ALCAM: variants seen among roughly 807,000 people sequenced by gnomAD.
ALCAM encodes the protein CD166 antigen.
A neutral mutation model predicts 70.9 loss-of-function variants in ALCAM; 30 were observed. That is an observed-to-expected ratio of 0.42 (90% CI 0.32 to 0.57). ALCAM has a LOEUF of 0.57. ALCAM is among the 20% of genes least tolerant of loss of function. The probability of loss-of-function intolerance (pLI) is 0.11; values close to 1 mark genes in which losing one functional copy is unlikely to be tolerated. For synonymous variants in ALCAM, 249 were observed against 242.5 expected, an observed-to-expected ratio of 1.03 and a Z score of -0.25; for missense variants, 591 against 695.1, an observed-to-expected ratio of 0.85 and a Z score of 1.68.
At chr3:105,531,043 T>A (rs1181680404) in intron 3 of ALCAM, among the ~76,000 whole-genome samples, 1 of 152,088 alleles carries the variant, frequency 6.6e-6, no homozygotes, top group African/African-American at 2.4e-5. Context: ...TAAATACATT[T>A]GCTTATAAGA....
At chr3:105,524,259 G>A (rs185727605) in intron 2 of ALCAM, 30 bp from the exon 3 acceptor site, 1 of 1,549,458 alleles carries the variant, frequency 6.5e-7, no homozygotes, top group African/African-American at 1.4e-5. Flanking sequence ...ATATGCTTGT[G>A]TTTAAATGTA....
chr3:105,539,526 C>A (rs1168136083), intron 6 of ALCAM, among the ~76,000 whole-genome samples: 3 of 151,996 alleles, frequency 2.0e-5, no homozygotes, highest in Non-Finnish European at 4.4e-5. Context: ...CATGTCTCCT[C>A]TTTTTATTTC....
chr3:105,439,175 T>C (rs1559791848), intron 1 of ALCAM, among the ~76,000 whole-genome samples: 1 of 152,176 alleles, frequency 6.6e-6, no homozygotes, highest in Admixed American at 6.5e-5. Flanking sequence ...GGATTTGTAT[T>C]TCTCACTAGT....
intron 1 of ALCAM, among the ~76,000 whole-genome samples, chr3:105,499,948 G>T (rs1318478034): frequency 6.6e-6 from 1 of 152,112 alleles, no homozygotes; most frequent in Non-Finnish European, 1.5e-5. Flanking sequence ...ATAAATACGG[G>T]AGCCTTTAAT....
Position 105,497,827 on chromosome 3 carries a change from C to T in ALCAM, c.74-22240C>T, listed in dbSNP as rs551176432. ...CGGGCGGATCACGAGGTCGGGAGAT[C>T]GAGACCATCCTGGCTAACACGGTGA... On this transcript the variant is annotated intron_variant, in intron 1 of 15. Transcript: ENST00000306107. 5.9e-5 allele frequency among the ~76,000 whole-genome samples: 9 copies of T among 151,996 alleles called. No individual in the cohort carries two copies. The South Asian group carries it at 1.5e-3, about 25-fold the overall frequency.
intron 1 of ALCAM, among the ~76,000 whole-genome samples, chr3:105,519,866 T>C (rs1939484067): frequency 6.6e-6 from 1 of 152,184 alleles, no homozygotes; most frequent in South Asian, 2.1e-4. Context: ...AAACATTCAG[T>C]AGCTAAATAG....
At chr3:105,526,350 C>T (rs1196161538) in intron 3 of ALCAM, among the ~76,000 whole-genome samples, 1 of 150,580 alleles carries the variant, frequency 6.6e-6, no homozygotes, top group Non-Finnish European at 1.5e-5. Flanking sequence ...TAAATCAGGC[C>T]AAATCTGATT....
chr3:105,520,055 TTTC>T lies in ALCAM; in HGVS notation c.74-11_74-9del. 2 of 1,539,914 alleles carry T rather than the reference TTTC, an allele frequency of 1.3e-6. No homozygotes were observed. Among genetic ancestry groups the T allele is most frequent in the East Asian group, 2.3e-5 (1 of 43,980 alleles). On this transcript the variant is annotated splice_polypyrimidine_tract_variant and intron_variant, in intron 1 of 15. Coordinates refer to ENST00000306107, the MANE Select transcript of ALCAM (RefSeq NM_001627.4). ...TCTTTCTCTCTTCTTCCTTTTTTTTTTTCCCCCAAAGGCCTTGGATGGTATACT... is the reference window on the plus strand; with the variant it reads ...TCTTTCTCTCTTCTTCCTTTTTTTTTCCCCAAAGGCCTTGGATGGTATACT...
chr3:105,502,345 A>T (rs565490580), intron 1 of ALCAM, among the ~76,000 whole-genome samples: 4 of 152,214 alleles, frequency 2.6e-5, no homozygotes, highest in Non-Finnish European at 5.9e-5. Flanking sequence ...AAAAATTCTT[A>T]TCATCTACTA....
chr3:105,472,086 T>C (rs1159935594), intron 1 of ALCAM, among the ~76,000 whole-genome samples: 1 of 151,524 alleles, frequency 6.6e-6, no homozygotes, highest in Non-Finnish European at 1.5e-5. Context: ...CTGAACGCAG[T>C]GTCTTCCAGG....
chr3:105,442,590 G>GC (rs1937198829), intron 1 of ALCAM, among the ~76,000 whole-genome samples: 1 of 151,866 alleles, frequency 6.6e-6, no homozygotes, highest in Admixed American at 6.6e-5. Flanking sequence ...TACCATCCTG[G>GC]CTAACATGGT....
chr3:105,374,238 A>G (rs1935317480), intron 1 of ALCAM, among the ~76,000 whole-genome samples: 1 of 152,040 alleles, frequency 6.6e-6, no homozygotes, highest in Non-Finnish European at 1.5e-5. Flanking sequence ...CTTTTTGTTG[A>G]GATAGATAAA....
intron 14 of ALCAM, 128 bp downstream of exon 14, chr3:105,552,713 G>A (rs1940439908): frequency 6.6e-7 from 1 of 1,522,296 alleles, no homozygotes; most frequent in Non-Finnish European, 8.8e-7. Context: ...CCCAAATCAG[G>A]TTGATTATAT....
chr3:105,498,112 A>G (rs572975352), intron 1 of ALCAM, among the ~76,000 whole-genome samples: 3 of 151,952 alleles, frequency 2.0e-5, no homozygotes, highest in South Asian at 4.2e-4. Flanking sequence ...TCGTACATTC[A>G]TTATCGACTT....
At chr3:105,547,587 C>T in intron 11 of ALCAM, 64 bp downstream of exon 11, 1 of 1,573,552 alleles carries the variant, frequency 6.4e-7, no homozygotes, top group Admixed American at 1.8e-5. Flanking sequence ...CCTTCACGAA[C>T]CTACCCTATA....
At chr3:105,506,409 T>C (rs1171659772) in intron 1 of ALCAM, among the ~76,000 whole-genome samples, 2 of 152,214 alleles carry the variant, frequency 1.3e-5, no homozygotes, top group African/African-American at 4.8e-5. Context: ...TATTTCAGTC[T>C]TTTCCATGTG....
chr3:105,397,955 G>A (rs1935994826), intron 1 of ALCAM, among the ~76,000 whole-genome samples: 1 of 152,042 alleles, frequency 6.6e-6, no homozygotes. Context: ...GTGTTAAGTT[G>A]GATGCTAGGG....
At chr3:105,544,542 A>C (rs1940198176) in intron 8 of ALCAM, 1 of 151,794 alleles carries the variant, frequency 6.6e-6, no homozygotes, top group East Asian at 1.9e-4. Context: ...TAGTCAGCAT[A>C]GTACCTCTAC....
In ALCAM at chr3:105,498,499, A is replaced by ATG. The variant is rs5851461; in HGVS notation, c.74-21548_74-21547dup. Among the ~76,000 whole-genome samples the ATG allele has an allele frequency of 1.6e-3, 237 of 150,154 alleles. 1 individual carries two copies. The highest frequency in any genetic ancestry group is 7.0e-3 in the Middle Eastern group (2 of 286). On this transcript the variant is annotated intron_variant, in intron 1 of 15. Transcript: ENST00000306107. Reference sequence around the variant, plus strand: ...CATGTTTTGTCTGTTAGCCTGCCAAATGTGTGTGTGTGTGTGTGTGTTTTA... The same window carrying ATG: ...CATGTTTTGTCTGTTAGCCTGCCAAATGTGTGTGTGTGTGTGTGTGTGTTTTA...
Sources: gnomAD v4.1 joint callset for allele counts (sites outside exome capture counted in the v4.1 genomes callset) on GRCh38, gnomAD v4.1.1 for gene constraint, MANE v1.5 for transcripts, NCBI Gene and HGNC (gene_info 2026-07-23, HGNC 2026-07-21) for gene names.